Variants in CCDC15 observed in about 807,000 individuals in gnomAD.
CCDC15 encodes the protein coiled-coil domain containing 15.
In CCDC15, 105 loss-of-function variants were observed where a neutral mutation model predicts 114.5. That is an observed-to-expected ratio of 0.92 (90% CI 0.78 to 1.08). CCDC15 has a LOEUF of 1.08. Ranked by LOEUF, CCDC15 falls within the 50% of genes least tolerant of loss-of-function variation. CCDC15 has a pLI of 0.00. For missense variants in CCDC15, 1,105 were observed against 1,093.6 expected (o/e 1.01, Z -0.15); for synonymous variants, 334 against 377.8 (o/e 0.88, Z 1.34).
In CCDC15 at chr11:124,991,565, G is replaced by A. The variant is rs1948269577; in HGVS notation, c.2013G>A (p.Gln671=). The change falls in exon 9 of 16, where the codon CAG becomes CAA. Residue 671 remains glutamine (Q), a synonymous_variant. Transcript: ENST00000344762. ...YQCLPPKSQD[Q]DDIKNQQPAS... is the part of the protein sequence containing the mutation. ...GTTTGCCTCCCAAATCCCAGGACCA[G>A]GATGACATCAAAAATCAGGTAGAGT... 1 of 1,605,920 alleles carries A rather than the reference G, an allele frequency of 6.2e-7. No individual in the cohort carries two copies.
In CCDC15 at chr11:124,973,940, C is replaced by T. The variant is rs573364097; in HGVS notation, c.517-1156C>T. 5.9e-5 allele frequency among the ~76,000 whole-genome samples: 9 copies of T among 152,204 alleles called. No individual in the cohort carries two copies. In the South Asian group the frequency reaches 1.2e-3, roughly 21 times the overall value. ...TAGTACAGGATATACTTTTCCTCCA[C>T]GTGATACAGTGCTTATCTTTATTTT... is the stretch of plus-strand genomic sequence containing the variant. On this transcript the variant is annotated intron_variant, in intron 4 of 15. Coordinates refer to ENST00000344762, the MANE Select transcript of CCDC15 (RefSeq NM_025004.3).
At position 125,039,028 on chromosome 11, in the gene CCDC15, A is replaced by T; in HGVS notation, c.2693A>T (p.Asp898Val). Residue 898 changes from aspartate to valine, a missense_variant, in exon 15 of 16, where the codon GAT becomes GTT. Asp to Val is a radical substitution (Grantham distance 152). Coordinates refer to ENST00000344762, the MANE Select transcript of CCDC15 (RefSeq NM_025004.3). Reference sequence around the variant, plus strand: ...CCTGATTTTTGGGATGCTCATCCTGATACCTGTGCCAACAACTGTATTTTC... The same window carrying T: ...CCTGATTTTTGGGATGCTCATCCTGTTACCTGTGCCAACAACTGTATTTTC... ...CGPDFWDAHP[D>V]TCANNCIFYK... The T allele has an allele frequency of 6.2e-7, 1 of 1,608,996 alleles. No homozygotes were observed. Among genetic ancestry groups the T allele is most frequent in the African/African-American group, 1.3e-5 (1 of 74,966 alleles).
At chr11:125,002,257 T>C (rs866297541) in intron 11 of CCDC15, among the ~76,000 whole-genome samples, 3 of 152,202 alleles carry the variant, frequency 2.0e-5, no homozygotes, top group African/African-American at 7.2e-5. Context: ...ATTTGCGTTA[T>C]GATTATTGAG....
chr11:124,990,754 C>T (rs568260495), intron 8 of CCDC15, among the ~76,000 whole-genome samples: 6 of 152,250 alleles, frequency 3.9e-5, no homozygotes, highest in South Asian at 2.1e-4. Context: ...TAATCTTCTT[C>T]ATTGGGAGAA....
chr11:125,015,954 T>C (rs778362567), intron 13 of CCDC15, among the ~76,000 whole-genome samples: 6 of 152,172 alleles, frequency 3.9e-5, no homozygotes, highest in Non-Finnish European at 8.8e-5. Context: ...TCCCAAGCTA[T>C]GGACCAAATG....
At chr11:125,031,229 G>A (rs775643223) in intron 13 of CCDC15, among the ~76,000 whole-genome samples, 1 of 152,184 alleles carries the variant, frequency 6.6e-6, no homozygotes, top group Admixed American at 6.5e-5. Context: ...GTCCACTTTC[G>A]GGTGATGCCT....
chr11:124,990,049 G>C (rs1340266239), intron 8 of CCDC15, among the ~76,000 whole-genome samples: 1 of 152,188 alleles, frequency 6.6e-6, no homozygotes, highest in African/African-American at 2.4e-5. Flanking sequence ...GCTTTCAACA[G>C]GCCTGTTTCA....
At position 124,992,674 on chromosome 11, in the gene CCDC15, C is replaced by A. The variant is rs750991622; in HGVS notation, c.2126C>A (p.Ser709Tyr). The A allele has an allele frequency of 4.4e-6, 7 of 1,576,732 alleles. No individual in the cohort carries two copies. The highest frequency in any genetic ancestry group is 1.7e-4 in the Middle Eastern group (1 of 6,016). The change falls in exon 10 of 16, where the codon TCC (serine) becomes TAC (tyrosine). Residue 709 changes from serine to tyrosine, a missense_variant. Coordinates refer to ENST00000344762, the MANE Select transcript of CCDC15 (RefSeq NM_025004.3). ...YVVPKIQDQD[S>Y]PREQNKHIKL... ...GTACCTAAAATCCAGGACCAAGACT[C>A]CCCTAGAGAACAGGTAGAACCGAAT...
intron 5 of CCDC15, among the ~76,000 whole-genome samples, chr11:124,977,146 A>T (rs575662647): frequency 6.5e-4 from 99 of 152,228 alleles, no homozygotes; most frequent in Non-Finnish European, 1.1e-3. Context: ...ATTGATCCGG[A>T]TTTGGAGATA....
At chr11:125,024,143 TA>T (rs1948679820) in intron 13 of CCDC15, among the ~76,000 whole-genome samples, 1 of 152,068 alleles carries the variant, frequency 6.6e-6, no homozygotes, top group Non-Finnish European at 1.5e-5. Flanking sequence ...CATCTCTATA[TA>T]TGCATGTATT....
rs1555068459 is a variant in CCDC15, at chr11:124,986,691, T to TG, written c.754-51_754-50insG. The stretch of plus-strand genomic sequence containing the variant: ...GCTGTGTGTGTGTGTGTGTGTGTGT[T>TG]TGTGTGTGTGCGCGCGCGCGCGTGC... On this transcript the variant is annotated intron_variant, in intron 6 of 15. Transcript: ENST00000344762. The TG allele has an allele frequency of 2.4e-3, 2,878 of 1,219,638 alleles. 28 individuals carry two copies. Among genetic ancestry groups the TG allele is most frequent in the African/African-American group, 9.1e-3 (514 of 56,650 alleles). The allele number at this position is 1,219,638 out of a possible 1,614,324, so 75.6% of individuals were successfully genotyped here.
intron 4 of CCDC15, among the ~76,000 whole-genome samples, chr11:124,965,065 G>T (rs907157953): frequency 2.0e-5 from 3 of 151,968 alleles, no homozygotes; most frequent in Non-Finnish European, 2.9e-5. Flanking sequence ...GAAGATTTTT[G>T]CATCGATGTT....
At chr11:124,992,527 A>T (rs1948287411) in intron 9 of CCDC15, 53 bp from the exon 10 acceptor site, 1 of 1,024,880 alleles carries the variant, frequency 9.8e-7, no homozygotes, top group Admixed American at 2.0e-5. Context: ...TATGATTAGC[A>T]TTACACAATT....
In CCDC15 at chr11:124,977,483, G is replaced by A. The variant is rs1427410340; in HGVS notation, c.636G>A (p.Val212=). The A allele has an allele frequency of 1.3e-6, 2 of 1,587,494 alleles. No individual in the cohort carries two copies. Among genetic ancestry groups the A allele is most frequent in the African/African-American group, 1.4e-5 (1 of 73,732 alleles). ...GRKSFLTREE[V]LSRKPASTGI... The stretch of plus-strand genomic sequence containing the variant: ...TGTAGTAATTTTTTTTCCAGGAAGT[G>A]CTTTCCAGGAAACCAGCATCCACTG... Residue 212 remains valine (V), a synonymous_variant, in exon 6 of 16, where the codon GTG becomes GTA. Coordinates refer to ENST00000344762, the MANE Select transcript of CCDC15 (RefSeq NM_025004.3).
At chr11:125,030,228 G>A (rs763460596) in intron 13 of CCDC15, among the ~76,000 whole-genome samples, 4 of 152,146 alleles carry the variant, frequency 2.6e-5, no homozygotes, top group African/African-American at 9.7e-5. Flanking sequence ...CATATTGGAC[G>A]CTGATTCAGA....
At chr11:124,983,019 T>C (rs950704932) in intron 6 of CCDC15, among the ~76,000 whole-genome samples, 1 of 152,222 alleles carries the variant, frequency 6.6e-6, no homozygotes, top group South Asian at 2.1e-4. Context: ...TATTTTTGTC[T>C]GACTGAGTTA....
intron 4 of CCDC15, among the ~76,000 whole-genome samples, chr11:124,968,240 AGCTATGC>A (rs1947818007): frequency 6.6e-6 from 1 of 152,214 alleles, no homozygotes; most frequent in South Asian, 2.1e-4. Flanking sequence ...CCTTTTGTTC[AGCTATGC>A]CCTGACCCTG....
intron 6 of CCDC15, among the ~76,000 whole-genome samples, chr11:124,979,285 T>C (rs1948026325): frequency 6.6e-6 from 1 of 152,126 alleles, no homozygotes; most frequent in Non-Finnish European, 1.5e-5. Context: ...CTCTTTTTTG[T>C]TTTCATATGA....
At chr11:124,970,961 AT>A (rs144075171) in intron 4 of CCDC15, among the ~76,000 whole-genome samples, 2 of 152,050 alleles carry the variant, frequency 1.3e-5, no homozygotes, top group East Asian at 1.9e-4. Flanking sequence ...CAAAATAGAC[AT>A]TTTTTTTGGT....
Sources: allele counts gnomAD v4.1 joint callset (sites outside exome capture counted in the v4.1 genomes callset), GRCh38; gene constraint gnomAD v4.1.1; transcripts MANE v1.5; gene names NCBI Gene and HGNC (gene_info 2026-07-23, HGNC 2026-07-21).